Variants in MYT1L observed in about 807,000 individuals in gnomAD.
The protein encoded by MYT1L is myelin transcription factor 1-like protein.
Under a neutral mutation model 126.7 loss-of-function variants are expected in MYT1L, and 12 were observed. That is an observed-to-expected ratio of 0.09 (90% confidence interval 0.06 to 0.15). The LOEUF is 0.15. MYT1L is among the 10% of genes least tolerant of loss of function. MYT1L has a pLI of 1.00. For synonymous variants in MYT1L, 541 were observed against 604.2 expected (o/e 0.90, Z 1.53); for missense variants, 979 against 1,585.2 (o/e 0.62, Z 6.49).
intron 1 of MYT1L, among the ~76,000 whole-genome samples, chr2:2,314,551 A>AAATTT (rs1465487482): frequency 3.9e-5 from 6 of 152,228 alleles, no homozygotes; most frequent in Admixed American, 2.6e-4. Flanking sequence ...TCTTTTTTTA[A>AAATTT]AATTTAATTT....
At chr2:2,276,519 A>G (rs1199000045) in intron 2 of MYT1L, among the ~76,000 whole-genome samples, 2 of 152,096 alleles carry the variant, frequency 1.3e-5, no homozygotes, top group African/African-American at 4.8e-5. Context: ...GCTATAGGGA[A>G]CCAGGAAGAC....
intron 8 of MYT1L, among the ~76,000 whole-genome samples, chr2:1,976,666 A>G (rs764571341): frequency 1.3e-5 from 2 of 152,232 alleles, no homozygotes; most frequent in Admixed American, 6.5e-5. Flanking sequence ...CCAGGCAGAT[A>G]TAACGGAAAA....
chr2:2,184,032 A>C (rs2091853090), intron 2 of MYT1L, among the ~76,000 whole-genome samples: 1 of 150,838 alleles, frequency 6.6e-6, no homozygotes, highest in African/African-American at 2.4e-5. Context: ...AAAGACAGAA[A>C]GAGAGAAAAA....
At chr2:2,138,267 A>C (rs1376623129) in intron 3 of MYT1L, among the ~76,000 whole-genome samples, 2 of 150,664 alleles carry the variant, frequency 1.3e-5, no homozygotes, top group Middle Eastern at 3.4e-3. Flanking sequence ...TAGTTCAACC[A>C]TTGTGGAAGT....
intron 9 of MYT1L, among the ~76,000 whole-genome samples, chr2:1,936,875 C>G (rs1454727024): frequency 6.6e-6 from 1 of 152,134 alleles, no homozygotes; most frequent in African/African-American, 2.4e-5. Context: ...TCCACAAATA[C>G]CAGGATGCTC....
At chr2:2,156,824 G>C (rs539122354) in intron 3 of MYT1L, among the ~76,000 whole-genome samples, 1 of 152,320 alleles carries the variant, frequency 6.6e-6, no homozygotes, top group African/African-American at 2.4e-5. Flanking sequence ...AGAGCAAAGC[G>C]GCTGTTGGAG....
chr2:2,273,826 T>C (rs2095310755), intron 2 of MYT1L, among the ~76,000 whole-genome samples: 1 of 152,346 alleles, frequency 6.6e-6, no homozygotes, highest in Non-Finnish European at 1.5e-5. Flanking sequence ...GAGGCAGTAA[T>C]ATAAAAGTGT....
chr2:1,999,192 A>T (rs1433516445), intron 4 of MYT1L, among the ~76,000 whole-genome samples: 1 of 152,222 alleles, frequency 6.6e-6, no homozygotes, highest in African/African-American at 2.4e-5. Context: ...AGTGATATTA[A>T]TATCACTGGA....
chr2:2,136,240 G>T (rs1559113443), intron 3 of MYT1L, among the ~76,000 whole-genome samples: 1 of 152,328 alleles, frequency 6.6e-6, no homozygotes, highest in East Asian at 1.9e-4. Flanking sequence ...CAGCCAATTT[G>T]TTCTTTCTGT....
intron 3 of MYT1L, among the ~76,000 whole-genome samples, chr2:2,133,696 G>A (rs2082671799): frequency 6.6e-6 from 1 of 152,054 alleles, no homozygotes; most frequent in South Asian, 2.1e-4. Context: ...ATGGTCCCTT[G>A]GTGCTGATCT....
intron 1 of MYT1L, among the ~76,000 whole-genome samples, chr2:2,302,375 A>T (rs936396628): frequency 3.3e-5 from 5 of 152,210 alleles, no homozygotes; most frequent in African/African-American, 7.2e-5. Flanking sequence ...AAGTGATCGT[A>T]TGATTTTGGT....
Position 2,164,701 on chromosome 2 carries a change from G to A in MYT1L, c.-304+8171C>T, listed in dbSNP as rs941548938. The stretch of plus-strand genomic sequence containing the variant: ...GCATAAACTTGTGACATTCTGCAAC[G>A]TGCTTTCAGGGCATATGAAAGAAAG... On this transcript the variant is annotated intron_variant, in intron 3 of 24. Transcript: ENST00000647738. Among the ~76,000 whole-genome samples, 4 of 152,194 alleles carry A rather than the reference G, an allele frequency of 2.6e-5. No individual in the cohort carries two copies. In the East Asian group the frequency reaches 5.8e-4, roughly 22 times the overall value.
intron 19 of MYT1L, among the ~76,000 whole-genome samples, chr2:1,846,423 A>G (rs1032560162): frequency 3.3e-5 from 5 of 152,314 alleles, no homozygotes; most frequent in African/African-American, 1.2e-4. Flanking sequence ...GGCTTGTCAT[A>G]TGTCCACATC....
intron 3 of MYT1L, among the ~76,000 whole-genome samples, chr2:2,120,614 G>C (rs1415517895): frequency 6.6e-6 from 1 of 151,918 alleles, no homozygotes; most frequent in African/African-American, 2.4e-5. Flanking sequence ...TGAAGCTAAG[G>C]GGAGTCATGC....
At chr2:1,873,537 A>G (rs2046506536) in intron 18 of MYT1L, among the ~76,000 whole-genome samples, 1 of 152,188 alleles carries the variant, frequency 6.6e-6, no homozygotes, top group Admixed American at 6.5e-5. Context: ...ATTGCTACAG[A>G]TGCCCTCCTG....
At chr2:1,930,072 C>T (rs918177499) in intron 9 of MYT1L, among the ~76,000 whole-genome samples, 1 of 152,188 alleles carries the variant, frequency 6.6e-6, no homozygotes, top group Non-Finnish European at 1.5e-5. Flanking sequence ...GACAAGGAGG[C>T]CCGCCCGAAG....
At chr2:2,293,776 C>T (rs540452711) in intron 1 of MYT1L, among the ~76,000 whole-genome samples, 167 of 152,264 alleles carry the variant, frequency 1.1e-3, no homozygotes, top group African/African-American at 3.6e-3. Context: ...TCCCTCCTCC[C>T]GGCTCCTCTG....
intron 2 of MYT1L, among the ~76,000 whole-genome samples, chr2:2,185,440 C>T (rs1218411165): frequency 6.6e-6 from 1 of 151,906 alleles, no homozygotes; most frequent in Non-Finnish European, 1.5e-5. Context: ...GTGAGGGGGA[C>T]GCAGCCGGGC....
intron 3 of MYT1L, among the ~76,000 whole-genome samples, chr2:2,136,486 G>A (rs1326825919): frequency 1.3e-5 from 2 of 152,160 alleles, no homozygotes; most frequent in Non-Finnish European, 2.9e-5. Context: ...GTAGATATGA[G>A]AGATTATTTC....
Sources: gnomAD v4.1 joint callset for allele counts (sites outside exome capture counted in the v4.1 genomes callset) on GRCh38, gnomAD v4.1.1 for gene constraint, MANE v1.5 for transcripts, NCBI Gene and HGNC (gene_info 2026-07-23, HGNC 2026-07-21) for gene names.